LIN7A: variants seen among roughly 807,000 people sequenced by gnomAD.
The protein encoded by LIN7A is lin-7 cell polarity scaffold A, also known as protein lin-7 homolog A.
LIN7A carries 25 observed loss-of-function variants against 29.8 expected under a neutral mutation model. The observed-to-expected ratio is 0.84, with a 90% CI of 0.61 to 1.17. The LOEUF is 1.17. Ranked by LOEUF, LIN7A falls within the 50% of genes most tolerant of loss-of-function variation. The pLI is 0.00. For missense variants in LIN7A, 239 were observed against 287.0 expected, an observed-to-expected ratio of 0.83 and a Z score of 1.21; for synonymous variants, 118 against 107.5, an observed-to-expected ratio of 1.10 and a Z score of -0.60.
At chr12:80,934,800 T>A (rs1878116786) in intron 1 of LIN7A, among the ~76,000 whole-genome samples, 2 of 152,210 alleles carry the variant, frequency 1.3e-5, no homozygotes, top group Admixed American at 1.3e-4. Flanking sequence ...AGCTCTAAAA[T>A]TGTGGATTAT....
intron 2 of LIN7A, among the ~76,000 whole-genome samples, chr12:80,880,755 A>ACG (rs1206435438): frequency 8.5e-6 from 1 of 117,132 alleles, no homozygotes; most frequent in Admixed American, 1.1e-4. Context: ...GGCAACGCAC[A>ACG]CACACACACA....
At chr12:80,814,023 A>G (rs1176327320) in intron 4 of LIN7A, among the ~76,000 whole-genome samples, 1 of 152,132 alleles carries the variant, frequency 6.6e-6, no homozygotes, top group African/African-American at 2.4e-5. Context: ...GGGAAACTCA[A>G]AAAGATACTA....
intron 4 of LIN7A, among the ~76,000 whole-genome samples, chr12:80,816,140 C>T (rs1031189265): frequency 6.6e-6 from 1 of 152,140 alleles, no homozygotes; most frequent in Non-Finnish European, 1.5e-5. Flanking sequence ...GTGGCTCTTG[C>T]CTGTAATCCC....
Position 80,804,340 on chromosome 12 carries a change from T to G in LIN7A, c.*1-6614A>C, listed in dbSNP as rs143888779. The stretch of plus-strand genomic sequence containing the variant: ...TGCATTCATTGTGTTTTTGTACCCG[T>G]TAACCATCCCCACCTCCCTCCCCAC... On this transcript the variant is annotated intron_variant, in intron 5 of 5. Coordinates refer to ENST00000552864, the MANE Select transcript of LIN7A (RefSeq NM_004664.4). Among the ~76,000 whole-genome samples, 34 of 152,188 alleles carry G rather than the reference T, an allele frequency of 2.2e-4. No individual in the cohort carries two copies. The East Asian group carries it at 6.4e-3, about 29-fold the overall frequency.
At position 80,814,701 on chromosome 12, in the gene LIN7A, A is replaced by T. The variant is rs549865063; in HGVS notation, c.484-3018T>A. ...CAGGCCCTGCAAAACCATCAAGGTT[A>T]TCCTCTTCCAGTCCCTGCTCTGCCC... On this transcript the variant is annotated intron_variant, in intron 4 of 5. Transcript: ENST00000552864. Among the ~76,000 whole-genome samples, 8 of 152,314 alleles carry T rather than the reference A, an allele frequency of 5.3e-5. No homozygotes were observed. In the South Asian group the frequency reaches 1.5e-3, roughly 28 times the overall value.
At chr12:80,907,055 CTGTGTGTGTG>C (rs529376132) in intron 1 of LIN7A, among the ~76,000 whole-genome samples, 24 of 145,394 alleles carry the variant, frequency 1.7e-4, no homozygotes, top group African/African-American at 4.9e-4. Flanking sequence ...AGTGCGTGCT[CTGTGTGTGTG>C]TGTGTGTGTG....
intron 1 of LIN7A, among the ~76,000 whole-genome samples, chr12:80,892,791 C>T (rs1447963901): frequency 6.6e-6 from 1 of 152,000 alleles, no homozygotes; most frequent in Non-Finnish European, 1.5e-5. Context: ...TTTTTAAAGC[C>T]CTTCAGGCGA....
intron 1 of LIN7A, 60 bp from the exon 2 acceptor site, chr12:80,889,429 A>G: frequency 9.7e-7 from 1 of 1,035,090 alleles, no homozygotes; most frequent in Non-Finnish European, 1.5e-6. Flanking sequence ...ATCAGCTGAA[A>G]GTACTATTAT....
At chr12:80,818,463 C>T (rs1871639475) in intron 4 of LIN7A, among the ~76,000 whole-genome samples, 1 of 152,164 alleles carries the variant, frequency 6.6e-6, no homozygotes, top group Admixed American at 6.5e-5. Context: ...AGGTCACCAG[C>T]TAGTAAGTCG....
chr12:80,803,640 A>AT (rs368952365), intron 5 of LIN7A, among the ~76,000 whole-genome samples: 1,797 of 151,408 alleles, frequency 0.012, 19 homozygotes, highest in African/African-American at 0.036. Context: ...AAATTTTGGG[A>AT]TTTTTTTTTC....
intron 5 of LIN7A, among the ~76,000 whole-genome samples, chr12:80,804,809 C>T (rs1026458895): frequency 3.9e-5 from 6 of 152,142 alleles, no homozygotes; most frequent in Admixed American, 1.3e-4. Flanking sequence ...CCGCTTTGGC[C>T]TCCCAAAATA....
At chr12:80,835,728 G>A (rs577107997) in intron 4 of LIN7A, among the ~76,000 whole-genome samples, 12 of 152,158 alleles carry the variant, frequency 7.9e-5, no homozygotes, top group Non-Finnish European at 1.0e-4. Context: ...TTTGCTTTAC[G>A]TATGACAAAA....
intron 4 of LIN7A, among the ~76,000 whole-genome samples, chr12:80,818,025 G>T (rs1871615290): frequency 6.6e-6 from 1 of 152,098 alleles, no homozygotes; most frequent in African/African-American, 2.4e-5. Context: ...AGGATTAGGG[G>T]GTTATGATTC....
At chr12:80,908,709 G>C (rs1029428839) in intron 1 of LIN7A, among the ~76,000 whole-genome samples, 8 of 151,912 alleles carry the variant, frequency 5.3e-5, no homozygotes, top group Non-Finnish European at 1.0e-4. Flanking sequence ...TCTCAGTGTA[G>C]TTTCAATTTG....
At chr12:80,908,520 T>C (rs770521167) in intron 1 of LIN7A, among the ~76,000 whole-genome samples, 2 of 152,042 alleles carry the variant, frequency 1.3e-5, no homozygotes, top group Non-Finnish European at 2.9e-5. Flanking sequence ...AAGTAAAATG[T>C]AATTACTGGA....
Position 80,792,699 on chromosome 12 carries a change from C to A in LIN7A, c.*5028G>T, listed in dbSNP as rs1870259102. On this transcript the variant is annotated 3_prime_UTR_variant, in exon 6 of 6. Coordinates refer to ENST00000552864, the MANE Select transcript of LIN7A (RefSeq NM_004664.4). Reference sequence around the variant, plus strand: ...ATCCTTTCCCGTAAATGTAAAATATCCTTAGTTCATCTCCAAACTGTGTAT... The same window carrying A: ...ATCCTTTCCCGTAAATGTAAAATATACTTAGTTCATCTCCAAACTGTGTAT... 1 of 152,100 alleles carries A rather than the reference C, an allele frequency of 6.6e-6. No homozygotes were observed. Among genetic ancestry groups the A allele is most frequent in the South Asian group, 2.1e-4 (1 of 4,836 alleles). 9.4% of individuals were successfully genotyped at this position (152,100 alleles called of 1,614,324 possible).
chr12:80,826,648 G>C (rs542332676), intron 4 of LIN7A, among the ~76,000 whole-genome samples: 17 of 151,976 alleles, frequency 1.1e-4, no homozygotes, highest in Middle Eastern at 3.2e-3. Context: ...TCCGCCTCCC[G>C]AGTAGCTGGG....
At chr12:80,924,395 C>T (rs1461286722) in intron 1 of LIN7A, among the ~76,000 whole-genome samples, 1 of 152,154 alleles carries the variant, frequency 6.6e-6, no homozygotes, top group Non-Finnish European at 1.5e-5. Flanking sequence ...AAAATGCACC[C>T]CTGGGGAGAA....
chr12:80,834,593 G>A (rs1263771736), intron 4 of LIN7A, among the ~76,000 whole-genome samples: 1 of 152,096 alleles, frequency 6.6e-6, no homozygotes, highest in Non-Finnish European at 1.5e-5. Flanking sequence ...ATACCTCCTG[G>A]CTGAACTTAG....
Sources: gnomAD v4.1 joint callset for allele counts (sites outside exome capture counted in the v4.1 genomes callset) on GRCh38, gnomAD v4.1.1 for gene constraint, MANE v1.5 for transcripts, NCBI Gene and HGNC (gene_info 2026-07-23, HGNC 2026-07-21) for gene names.